OPRM1: variants seen among roughly 807,000 people sequenced by gnomAD.
OPRM1 encodes mu-type opioid receptor.
OPRM1 carries 27 observed loss-of-function variants against 31.8 expected under a neutral mutation model. The observed-to-expected ratio is 0.85, with a 90% CI of 0.63 to 1.17. The LOEUF is 1.17. OPRM1 is among the 50% of genes most tolerant of loss of function. OPRM1 has a pLI of 0.00. For synonymous variants in OPRM1, 196 were observed against 189.9 expected, an observed-to-expected ratio of 1.03 and a Z score of -0.26; for missense variants, 536 against 511.1, an observed-to-expected ratio of 1.05 and a Z score of -0.47.
At chr6:154,058,737 T>TATC (rs1216243619) in intron 1 of OPRM1, among the ~76,000 whole-genome samples, 1 of 152,176 alleles carries the variant, frequency 6.6e-6, no homozygotes, top group Non-Finnish European at 1.5e-5. Flanking sequence ...CCGTCTTCAT[T>TATC]ATCATCATCA....
intron 3 of OPRM1, among the ~76,000 whole-genome samples, chr6:154,138,821 C>T (rs530807756): frequency 2.6e-5 from 4 of 152,320 alleles, no homozygotes; most frequent in Admixed American, 2.0e-4. Context: ...GTCACGTAGC[C>T]GGAGGCTACA....
intron 1 of OPRM1, among the ~76,000 whole-genome samples, chr6:154,064,074 A>T (rs1784895432): frequency 6.6e-6 from 1 of 151,962 alleles, no homozygotes; most frequent in African/African-American, 2.4e-5. Flanking sequence ...CTGATATGTC[A>T]TTTTACATTC....
intron 1 of OPRM1, among the ~76,000 whole-genome samples, chr6:154,066,418 G>A (rs906738806): frequency 1.3e-4 from 19 of 151,958 alleles, no homozygotes; most frequent in African/African-American, 4.6e-4. Context: ...TTTATTGGGA[G>A]ATGTTTTTAT....
At chr6:154,030,354 C>A (rs1208472325) in intron 1 of OPRM1, among the ~76,000 whole-genome samples, 1 of 152,024 alleles carries the variant, frequency 6.6e-6, no homozygotes, top group Non-Finnish European at 1.5e-5. Flanking sequence ...CTTTTATACC[C>A]AGAAAAATTT....
At chr6:154,090,282 C>A (rs1791779752) in intron 2 of OPRM1, 104 bp downstream of exon 2, 2 of 710,964 alleles carry the variant, frequency 2.8e-6, no homozygotes, top group Non-Finnish European at 2.3e-6. Flanking sequence ...GTCTTAGTCA[C>A]ATTGTAATTT....
rs78411558 is a variant in OPRM1, at chr6:154,089,976, C to A, written c.441C>A (p.Ser147=). 6.2e-7 allele frequency: 1 copy of A among 1,613,280 alleles called. No homozygotes were observed. Among genetic ancestry groups the A allele is most frequent in the Non-Finnish European group, 8.5e-7 (1 of 1,179,218 alleles). The change falls in exon 2 of 4, where the codon TCC becomes TCA. Residue 147 remains serine, a synonymous_variant. Transcript: ENST00000330432. ...CCATCCTTTGCAAGATAGTGATCTCCATAGATTACTATAACATGTTCACCA... is the reference window on the plus strand; with the variant it reads ...CCATCCTTTGCAAGATAGTGATCTCAATAGATTACTATAACATGTTCACCA... ...FGTILCKIVI[S]IDYYNMFTSI...
rs186359034 is a variant in OPRM1 at position 154,217,794 on chromosome 6, C to T, written c.1165-28899C>T. Among the ~76,000 whole-genome samples the T allele has an allele frequency of 3.7e-3, 560 of 152,206 alleles. 2 individuals carry two copies. Among genetic ancestry groups the T allele is most frequent in the Non-Finnish European group, 5.7e-3 (390 of 67,992 alleles). On this transcript the variant is annotated intron_variant, in intron 3 of 3. Coordinates refer to the OPRM1 transcript ENST00000337049. ...AGTTTATTCTCCCTCAAAAAAGCAT[C>T]TAAAAGTGAAATAGGGAAAATATTT...
chr6:154,019,312 T>TCACACACA (rs146861614), intron 1 of OPRM1, among the ~76,000 whole-genome samples: 11 of 147,834 alleles, frequency 7.4e-5, no homozygotes, highest in African/African-American at 2.5e-4. Flanking sequence ...CATTGCTCCC[T>TCACACACA]CACACACACA....
At chr6:154,176,831 A>T (rs1384896446) in intron 3 of OPRM1, among the ~76,000 whole-genome samples, 2 of 152,200 alleles carry the variant, frequency 1.3e-5, no homozygotes, top group African/African-American at 2.4e-5. Context: ...TATGAAACCA[A>T]GACAATCCTG....
upstream of OPRM1, chr6:154,039,085 C>T (rs993176962): frequency 3.4e-6 from 5 of 1,460,688 alleles, no homozygotes; most frequent in Admixed American, 4.9e-5. Context: ...TGTTAGCCCC[C>T]TTTCTTATTT....
intron 3 of OPRM1, among the ~76,000 whole-genome samples, chr6:154,241,127 T>C (rs1421290835): frequency 6.6e-6 from 1 of 150,972 alleles, no homozygotes; most frequent in Non-Finnish European, 1.5e-5. Flanking sequence ...TCCCAGCTAC[T>C]CAGGAGGCTG....
intron 3 of OPRM1, among the ~76,000 whole-genome samples, chr6:154,100,538 A>G (rs1794679649): frequency 6.6e-6 from 1 of 151,920 alleles, no homozygotes; most frequent in Non-Finnish European, 1.5e-5. Context: ...GCTCCATATC[A>G]TTATCAGATA....
At chr6:154,104,154 G>T (rs2128507584) in intron 3 of OPRM1, among the ~76,000 whole-genome samples, 1 of 152,258 alleles carries the variant, frequency 6.6e-6, no homozygotes, top group Admixed American at 6.5e-5. Context: ...AGCTATTAGG[G>T]GCTCTTGTGT....
rs536615869 is a variant in OPRM1, at chr6:154,067,601, A to G, written c.291-22225A>G. 1.6e-4 allele frequency among the ~76,000 whole-genome samples: 25 copies of G among 152,074 alleles called. 1 individual carries two copies. Among genetic ancestry groups the G allele is most frequent in the Admixed American group, 1.2e-3 (19 of 15,280 alleles). On this transcript the variant is annotated intron_variant, in intron 1 of 3. Transcript: ENST00000330432. ...TATAGTCTGTCCTTGAAAATGTTCCATGTGCATGTAAGAGGAATGTTTTCT... is the reference window on the plus strand; with the variant it reads ...TATAGTCTGTCCTTGAAAATGTTCCGTGTGCATGTAAGAGGAATGTTTTCT...
rs182341334 is a variant in OPRM1, at chr6:154,131,487, G to A, written c.*12766G>A. ...TCTGAAAGAAGGGCAGAATTAATTC[G>A]TTTCCTTGACAGTGTTGGGGGTGAA... On this transcript the variant is annotated 3_prime_UTR_variant, in exon 4 of 4. Transcript: ENST00000330432. Among the ~76,000 whole-genome samples the A allele has an allele frequency of 1.7e-4, 26 of 152,250 alleles. No individual in the cohort carries two copies. The highest frequency in any genetic ancestry group is 2.9e-4 in the Non-Finnish European group (20 of 68,004).
intron 1 of OPRM1, among the ~76,000 whole-genome samples, chr6:154,049,112 A>G (rs2128412697): frequency 6.6e-6 from 1 of 152,278 alleles, no homozygotes; most frequent in South Asian, 2.1e-4. Flanking sequence ...TAGCTGATTC[A>G]CTAACGTTGA....
At chr6:154,022,271 G>A (rs73788954) in intron 1 of OPRM1, among the ~76,000 whole-genome samples, 4,322 of 152,098 alleles carry the variant, frequency 0.028, 197 homozygotes, top group African/African-American at 0.099. Flanking sequence ...CTGTGGTGTA[G>A]TTAGTCTGCT....
chr6:154,243,096 A>G (rs1780730598), intron 3 of OPRM1, among the ~76,000 whole-genome samples: 1 of 152,166 alleles, frequency 6.6e-6, no homozygotes, highest in South Asian at 2.1e-4. Context: ...GCATATGCGA[A>G]GGCTTAGAGA....
At chr6:154,026,638 A>G (rs963523299) in intron 1 of OPRM1, among the ~76,000 whole-genome samples, 1 of 151,752 alleles carries the variant, frequency 6.6e-6, no homozygotes, top group Admixed American at 6.6e-5. Flanking sequence ...ATTGTTTTTT[A>G]TTCTTTATTC....
Sources: allele counts gnomAD v4.1 joint callset (sites outside exome capture counted in the v4.1 genomes callset), GRCh38; gene constraint gnomAD v4.1.1; transcripts MANE v1.5; gene names NCBI Gene and HGNC (gene_info 2026-07-23, HGNC 2026-07-21).